The following GLRA1 variants were observed in gnomAD, a reference collection of about 807,000 sequenced individuals.
The protein encoded by GLRA1 is glycine receptor alpha 1.
In GLRA1, 37 loss-of-function variants were observed where a neutral mutation model predicts 48.3. The ratio of observed to expected loss-of-function variants is 0.77; its 90% CI spans 0.59 to 1.01. The LOEUF is 1.01. Among genes scored for constraint, GLRA1 ranks in the 50% least tolerant of loss-of-function variants. The pLI, the probability that GLRA1 is intolerant of heterozygous loss-of-function variation, is 0.00. For synonymous variants in GLRA1, 196 were observed against 210.7 expected (o/e 0.93, Z 0.60); for missense variants, 427 against 571.0 (o/e 0.75, Z 2.57).
chr5:151,829,650 G>A (rs1763374643), intron 7 of GLRA1, among the ~76,000 whole-genome samples: 1 of 152,194 alleles, frequency 6.6e-6, no homozygotes, highest in South Asian at 2.1e-4. Flanking sequence ...CATTTAAAGT[G>A]TATAGTTTAA....
chr5:151,836,648 C>T (rs548386953), intron 7 of GLRA1, among the ~76,000 whole-genome samples: 15 of 152,064 alleles, frequency 9.9e-5, no homozygotes, highest in African/African-American at 1.2e-4. Context: ...TCAGAAATAA[C>T]GCCACATAAC....
intron 7 of GLRA1, among the ~76,000 whole-genome samples, chr5:151,831,937 C>T (rs747829872): frequency 1.7e-4 from 26 of 152,184 alleles, no homozygotes; most frequent in Non-Finnish European, 3.7e-4. Context: ...TGGGATGAAG[C>T]TTCCAGAGGA....
chr5:151,901,246 A>T lies in GLRA1; in HGVS notation c.57-8808T>A, dbSNP rs115246761. Among the ~76,000 whole-genome samples, 1,213 of 152,060 alleles carry T rather than the reference A, an allele frequency of 8.0e-3. 17 individuals carry two copies. The highest frequency in any genetic ancestry group is 0.028 in the African/African-American group (1,141 of 41,468). ...TTTATAATGCTACCACAACCATCTC[A>T]CTTTGCCCTAACTGTGTGTATATGT... On this transcript the variant is annotated intron_variant, in intron 1 of 8. Coordinates refer to ENST00000274576, the MANE Select transcript of GLRA1 (RefSeq NM_000171.4).
chr5:151,898,909 T>G (rs1581654858), intron 1 of GLRA1, among the ~76,000 whole-genome samples: 1 of 152,006 alleles, frequency 6.6e-6, no homozygotes, highest in African/African-American at 2.4e-5. Context: ...AACTTGAAGG[T>G]TAGATATGGA....
chr5:151,861,318 G>A (rs1581625138), intron 3 of GLRA1, among the ~76,000 whole-genome samples: 1 of 152,306 alleles, frequency 6.6e-6, no homozygotes, highest in South Asian at 2.1e-4. Context: ...TTCCACAATG[G>A]TTGAACTAAT....
intron 7 of GLRA1, among the ~76,000 whole-genome samples, chr5:151,834,069 A>G (rs1763499838): frequency 6.6e-6 from 1 of 152,272 alleles, no homozygotes; most frequent in Non-Finnish European, 1.5e-5. Context: ...TAGATCAACG[A>G]GACAAAAAAT....
chr5:151,872,318 T>C (rs1373529772), intron 3 of GLRA1, among the ~76,000 whole-genome samples: 1 of 148,110 alleles, frequency 6.8e-6, no homozygotes, highest in Non-Finnish European at 1.5e-5. Context: ...ATGCTCAGAT[T>C]CACTAGGAAT....
At chr5:151,842,409 T>TACGTTATG (rs1194287134) in intron 7 of GLRA1, among the ~76,000 whole-genome samples, 1 of 151,186 alleles carries the variant, frequency 6.6e-6, no homozygotes, top group African/African-American at 2.4e-5. Flanking sequence ...AAAAGAATTA[T>TACGTTATG]ACGTTATGAG....
chr5:151,892,504 A>G (rs866599962), intron 1 of GLRA1, 66 bp from the exon 2 acceptor site: 39 of 1,564,170 alleles, frequency 2.5e-5, no homozygotes, highest in Middle Eastern at 3.6e-4. Context: ...ATCAGATCCC[A>G]GCCTTGTCCA....
intron 7 of GLRA1, chr5:151,850,244 G>A (rs1267369663): frequency 6.2e-7 from 1 of 1,604,774 alleles, no homozygotes. Flanking sequence ...GAGCCAAGAT[G>A]GTGGGTACTA....
intron 7 of GLRA1, among the ~76,000 whole-genome samples, chr5:151,838,130 C>G (rs1763622066): frequency 6.6e-6 from 1 of 152,112 alleles, no homozygotes; most frequent in Admixed American, 6.5e-5. Flanking sequence ...CTAGAGGAAA[C>G]TATGTCTAAA....
chr5:151,920,091 T>A lies in GLRA1; in HGVS notation c.56+4403A>T, dbSNP rs887405047. On this transcript the variant is annotated intron_variant, in intron 1 of 8. Coordinates refer to ENST00000274576, the MANE Select transcript of GLRA1 (RefSeq NM_000171.4). ...CTCTGGCATCTGTGCCTGCAGAGTG[T>A]TTAGTTTTAGACTGGACACATAAGC... Among the ~76,000 whole-genome samples the A allele has an allele frequency of 5.3e-5, 8 of 152,230 alleles. No homozygotes were observed. In the South Asian group the frequency reaches 6.2e-4, roughly 12 times the overall value.
intron 8 of GLRA1, among the ~76,000 whole-genome samples, chr5:151,828,391 G>C (rs1473297433): frequency 1.3e-5 from 2 of 152,192 alleles, no homozygotes; most frequent in African/African-American, 4.8e-5. Context: ...TCTCAGAGGT[G>C]CCCTGTCAAA....
chr5:151,840,502 A>G (rs762243337), intron 7 of GLRA1, among the ~76,000 whole-genome samples: 1 of 152,202 alleles, frequency 6.6e-6, no homozygotes, highest in Non-Finnish European at 1.5e-5. Context: ...ATTATACGAA[A>G]TCGCATTTTT....
At chr5:151,863,495 A>G (rs557114485) in intron 3 of GLRA1, among the ~76,000 whole-genome samples, 2 of 152,218 alleles carry the variant, frequency 1.3e-5, no homozygotes, top group East Asian at 3.9e-4. Flanking sequence ...GAGTTCATGA[A>G]TATCATGACA....
intron 1 of GLRA1, among the ~76,000 whole-genome samples, chr5:151,904,284 T>C (rs1754426205): frequency 6.6e-6 from 1 of 152,164 alleles, no homozygotes; most frequent in Non-Finnish European, 1.5e-5. Flanking sequence ...GTCACCCCTT[T>C]CTAACACACA....
intron 3 of GLRA1, among the ~76,000 whole-genome samples, chr5:151,875,282 C>T (rs1225857941): frequency 6.6e-6 from 1 of 152,146 alleles, no homozygotes; most frequent in Non-Finnish European, 1.5e-5. Flanking sequence ...GTGATCTCCT[C>T]TCTCCTCAGC....
chr5:151,917,278 G>A (rs1456014238), intron 1 of GLRA1, among the ~76,000 whole-genome samples: 1 of 152,160 alleles, frequency 6.6e-6, no homozygotes, highest in Non-Finnish European at 1.5e-5. Context: ...GTCAGAATCT[G>A]CATCTTAGCA....
chr5:151,866,495 TG>T (rs2113371077), intron 3 of GLRA1, among the ~76,000 whole-genome samples: 1 of 152,260 alleles, frequency 6.6e-6, no homozygotes, highest in South Asian at 2.1e-4. Context: ...GCAAGATTGT[TG>T]GTGGGAAGGG....
Sources: allele counts gnomAD v4.1 joint callset (sites outside exome capture counted in the v4.1 genomes callset), GRCh38; gene constraint gnomAD v4.1.1; transcripts MANE v1.5; gene names NCBI Gene and HGNC (gene_info 2026-07-23, HGNC 2026-07-21).